The following SOX5 variants were observed in gnomAD, a reference collection of about 807,000 sequenced individuals.
SOX5 encodes the protein transcription factor SOX-5.
In SOX5, 9 loss-of-function variants were observed where a neutral mutation model predicts 92.0. The observed-to-expected ratio is 0.10, with a 90% CI of 0.06 to 0.17. The LOEUF (loss-of-function observed/expected upper bound fraction) is 0.17, where lower values mean the gene tolerates loss of function less well. Among genes scored for constraint, SOX5 ranks in the 10% least tolerant of loss-of-function variants. The pLI, the probability that SOX5 is intolerant of heterozygous loss-of-function variation, is 1.00. For synonymous variants in SOX5, 344 were observed against 336.3 expected (o/e 1.02, Z -0.25); for missense variants, 642 against 944.5 (o/e 0.68, Z 4.20).
chr12:24,352,102 T>C (rs533412116), intron 2 of SOX5, among the ~76,000 whole-genome samples: 1 of 152,318 alleles, frequency 6.6e-6, no homozygotes, highest in African/African-American at 2.4e-5. Flanking sequence ...TGTCCAATAG[T>C]ATCAGATTTA....
chr12:24,422,972 C>T lies in SOX5; in HGVS notation c.-250-54333G>A, dbSNP rs1048707119. ...GCTGTAGTGAGCTATGATGGCACCA[C>T]TGCACTCCAGCCTGGGTGACAGAGT... On this transcript the variant is annotated intron_variant, in intron 1 of 4. Coordinates refer to the SOX5 transcript ENST00000446891. Among the ~76,000 whole-genome samples, 5 of 152,200 alleles carry T rather than the reference C, an allele frequency of 3.3e-5. No homozygotes were observed. The East Asian group carries it at 7.7e-4, about 23-fold the overall frequency.
intron 1 of SOX5, among the ~76,000 whole-genome samples, chr12:24,426,073 G>A (rs1966713879): frequency 6.6e-6 from 1 of 152,186 alleles, no homozygotes; most frequent in Admixed American, 6.5e-5. Flanking sequence ...AGTGGCTCGT[G>A]CCTGTAATCC....
intron 6 of SOX5, among the ~76,000 whole-genome samples, chr12:23,705,781 C>A (rs556301509): frequency 1.3e-3 from 196 of 152,048 alleles, no homozygotes; most frequent in Admixed American, 2.5e-3. Flanking sequence ...TACAGGAGCT[C>A]GTTTAAATGA....
chr12:23,965,245 A>G (rs781171335), intron 4 of SOX5, among the ~76,000 whole-genome samples: 4 of 152,220 alleles, frequency 2.6e-5, no homozygotes, highest in Non-Finnish European at 4.4e-5. Flanking sequence ...CAGGTGGTCA[A>G]GGGCATATGT....
intron 6 of SOX5, among the ~76,000 whole-genome samples, chr12:23,724,344 A>G (rs2092996984): frequency 6.6e-6 from 1 of 152,100 alleles, no homozygotes; most frequent in Admixed American, 6.6e-5. Context: ...TAATAACACA[A>G]ACTGTCTGAA....
chr12:24,483,641 A>G (rs1946223939), intron 1 of SOX5, among the ~76,000 whole-genome samples: 1 of 152,222 alleles, frequency 6.6e-6, no homozygotes, highest in Admixed American at 6.5e-5. Flanking sequence ...CATTTTACCT[A>G]TGATGGTGGT....
At chr12:23,895,020 G>A (rs1389955195) in intron 2 of SOX5, among the ~76,000 whole-genome samples, 1 of 152,000 alleles carries the variant, frequency 6.6e-6, no homozygotes, top group Non-Finnish European at 1.5e-5. Context: ...ATGTATTTAA[G>A]TTGCTAAGAA....
intron 3 of SOX5, among the ~76,000 whole-genome samples, chr12:24,224,364 T>C (rs915851609): frequency 5.3e-5 from 8 of 152,178 alleles, no homozygotes; most frequent in African/African-American, 1.9e-4. Flanking sequence ...TTCGCCTTTT[T>C]AAATATAAAT....
chr12:23,574,794 A>C (rs558775427), intron 10 of SOX5, among the ~76,000 whole-genome samples: 2 of 152,144 alleles, frequency 1.3e-5, no homozygotes, highest in South Asian at 2.1e-4. Context: ...CTAGGAATCT[A>C]TCTCTTCTTC....
chr12:23,605,479 A>G (rs1034199692), intron 8 of SOX5, among the ~76,000 whole-genome samples: 2 of 147,206 alleles, frequency 1.4e-5, no homozygotes, highest in Admixed American at 6.8e-5. Context: ...TATATTTAAT[A>G]TTAAATAAAT....
At chr12:23,710,832 G>A (rs994302656) in intron 6 of SOX5, among the ~76,000 whole-genome samples, 3 of 152,138 alleles carry the variant, frequency 2.0e-5, no homozygotes, top group Non-Finnish European at 2.9e-5. Flanking sequence ...TTCCACAATG[G>A]TTGAACTAGT....
chr12:24,460,693 G>A (rs904010071), intron 1 of SOX5: 2 of 151,952 alleles, frequency 1.3e-5, no homozygotes, highest in Admixed American at 6.6e-5. Context: ...ATCTTCTCTC[G>A]AGCACTCCCT....
rs112180717 is a variant in SOX5 at position 24,061,805 on chromosome 12, T to A, written c.-2+151538A>T. Among the ~76,000 whole-genome samples, 15 of 151,214 alleles carry A rather than the reference T, an allele frequency of 9.9e-5. 1 individual carries two copies. Among genetic ancestry groups the A allele is most frequent in the African/African-American group, 3.4e-4 (14 of 41,176 alleles). Reference sequence around the variant, plus strand: ...TTCCTCCTTTCAACAGGCCCTATAATGTAAGAAGCAAGAATGGTTCCAGAG... The same window carrying A: ...TTCCTCCTTTCAACAGGCCCTATAAAGTAAGAAGCAAGAATGGTTCCAGAG... On this transcript the variant is annotated intron_variant, in intron 4 of 4. Coordinates refer to the SOX5 transcript ENST00000446891.
At chr12:23,943,930 C>T (rs143396522) in intron 1 of SOX5, among the ~76,000 whole-genome samples, 88 of 152,080 alleles carry the variant, frequency 5.8e-4, no homozygotes, top group Admixed American at 2.7e-3. Context: ...AAACAAAAAA[C>T]GCATGTTAAC....
intron 4 of SOX5, among the ~76,000 whole-genome samples, chr12:24,077,772 C>CACAT (rs1329650679): frequency 8.6e-6 from 1 of 116,930 alleles, no homozygotes; most frequent in Non-Finnish European, 1.8e-5. Flanking sequence ...AAGGTATTTT[C>CACAT]ATATATATAT....
chr12:23,643,856 T>C (rs1195023382), intron 7 of SOX5, among the ~76,000 whole-genome samples: 1 of 152,086 alleles, frequency 6.6e-6, no homozygotes, highest in Admixed American at 6.5e-5. Context: ...AGGCAGGAAG[T>C]GTAGACCCTC....
At chr12:23,794,008 C>G (rs991667422) in intron 3 of SOX5, among the ~76,000 whole-genome samples, 4 of 152,052 alleles carry the variant, frequency 2.6e-5, no homozygotes, top group Non-Finnish European at 5.9e-5. Flanking sequence ...ACAGATAAAC[C>G]TACAAAGATG....
At chr12:24,413,835 C>T (rs1012810454) in intron 1 of SOX5, among the ~76,000 whole-genome samples, 2 of 152,154 alleles carry the variant, frequency 1.3e-5, no homozygotes, top group African/African-American at 4.8e-5. Context: ...TCTATCCAGG[C>T]TACCAGAGTG....
At position 24,304,489 on chromosome 12, in the gene SOX5, G is replaced by A. The variant is rs182919715; in HGVS notation, c.-173-27177C>T. On this transcript the variant is annotated intron_variant, in intron 2 of 4. Coordinates refer to the SOX5 transcript ENST00000446891. ...CAGCCATAAAAGGAACTCAGAACTT[G>A]ACAGCAGAGGAAGATTGAGCAGTTT... 2.1e-3 allele frequency among the ~76,000 whole-genome samples: 327 copies of A among 152,292 alleles called. 2 individuals are homozygous for A. Among genetic ancestry groups the A allele is most frequent in the Non-Finnish European group, 4.0e-3 (275 of 68,018 alleles).
Sources: gnomAD v4.1 joint callset for allele counts (sites outside exome capture counted in the v4.1 genomes callset) on GRCh38, gnomAD v4.1.1 for gene constraint, MANE v1.5 for transcripts, NCBI Gene and HGNC (gene_info 2026-07-23, HGNC 2026-07-21) for gene names.